Variants in ZNF415 observed in about 807,000 individuals in gnomAD.
ZNF415 encodes the protein zinc finger protein 415.
Under a neutral mutation model 7.3 loss-of-function variants are expected in ZNF415, and 5 were observed. The observed-to-expected ratio is 0.69, with a 90% confidence interval of 0.36 to 1.44. ZNF415 has a LOEUF of 1.44. ZNF415 is among the 40% of genes most tolerant of loss of function. ZNF415 has a pLI of 0.04. For synonymous variants in ZNF415, 207 were observed against 226.3 expected (o/e 0.91, Z 0.77); for missense variants, 628 against 664.8 (o/e 0.94, Z 0.61).
rs747962608 is a variant in ZNF415, at chr19:53,109,672, G to T, written c.373C>A (p.Arg125Ser). Reference protein sequence around the residue: ...KENLTCRRDQRDRRGIGNKSI... With the variant: ...KENLTCRRDQSDRRGIGNKSI... ...TTGTTTCCTATACCTCTTCTATCGC[G>T]TTGGTCTCTCCTACAAGTAAGATTT... is the stretch of plus-strand genomic sequence containing the variant. Residue 125 changes from arginine (R) to serine (S), a missense_variant, in exon 4 of 4, where the codon CGC (arginine) becomes AGC (serine). Coordinates refer to ENST00000243643, the MANE Select transcript of ZNF415 (RefSeq NM_018355.4). 1.9e-5 allele frequency: 30 copies of T among 1,613,902 alleles called. 1 individual carries two copies. The highest frequency in any genetic ancestry group is 2.3e-5 in the Non-Finnish European group (27 of 1,180,006).
intron 1 of ZNF415, chr19:53,123,452 GAGA>G (rs2088487713): frequency 2.5e-6 from 1 of 398,318 alleles, no homozygotes; most frequent in African/African-American, 2.1e-5. Flanking sequence ...AGTCCCCGCT[GAGA>G]AGGTGATATT....
chr19:53,118,689 A>G (rs2087440539), intron 2 of ZNF415, among the ~76,000 whole-genome samples: 1 of 152,168 alleles, frequency 6.6e-6, no homozygotes, highest in South Asian at 2.1e-4. Context: ...ATGCTCCTAA[A>G]TGACCACTGG....
intron 3 of ZNF415, chr19:53,115,724 C>T (rs1056028245): frequency 1.3e-6 from 2 of 1,550,502 alleles, no homozygotes; most frequent in Non-Finnish European, 1.7e-6. Flanking sequence ...ACCTTTGATC[C>T]ATTCCCACCC....
In ZNF415 at chr19:53,122,710, T is replaced by G. The variant is rs1229307346; in HGVS notation, c.-34A>C. On this transcript the variant is annotated 5_prime_UTR_variant, in exon 2 of 4. Transcript: ENST00000243643. ...CCTTTGCTCTCCTCTTCTGGGTTTC[T>G]TCCTCATGTGCCAGGAGTCTTTGGA... The G allele has an allele frequency of 1.9e-6, 3 of 1,614,022 alleles. No individual in the cohort carries two copies. Among genetic ancestry groups the G allele is most frequent in the Non-Finnish European group, 1.7e-6 (2 of 1,180,018 alleles).
chr19:53,127,010 C>T (rs368131803), intron 1 of ZNF415, among the ~76,000 whole-genome samples: 15,829 of 105,288 alleles, frequency 0.15, 1,127 homozygotes, highest in African/African-American at 0.26. Context: ...GAGAGGCCAC[C>T]GGCCTGGCTG....
intron 1 of ZNF415, among the ~76,000 whole-genome samples, chr19:53,127,803 G>A (rs1436215903): frequency 6.6e-6 from 1 of 151,796 alleles, no homozygotes; most frequent in Admixed American, 6.6e-5. Context: ...CTTGAACCTA[G>A]GAGGTGGAGG....
At chr19:53,131,715 C>T (rs1352755003) in intron 1 of ZNF415, among the ~76,000 whole-genome samples, 1 of 152,090 alleles carries the variant, frequency 6.6e-6, no homozygotes, top group East Asian at 1.9e-4. Flanking sequence ...TCTTTCCATT[C>T]TTGCAATGTA....
chr19:53,123,711 C>T, intron 1 of ZNF415: 1 of 398,286 alleles, frequency 2.5e-6, no homozygotes, highest in South Asian at 1.3e-4. Context: ...TCCCACACCT[C>T]AAAAGAATTT....
chr19:53,126,522 T>C (rs2089148849), intron 1 of ZNF415, among the ~76,000 whole-genome samples: 1 of 137,294 alleles, frequency 7.3e-6, no homozygotes, highest in African/African-American at 2.5e-5. Flanking sequence ...CTGCAGGAAG[T>C]GAGAGTCTGA....
intron 1 of ZNF415, chr19:53,123,633 CAGG>C (rs1379693377): frequency 1.3e-5 from 5 of 398,602 alleles, no homozygotes; most frequent in Middle Eastern, 6.2e-4. Flanking sequence ...AGGACACAGG[CAGG>C]AGATGAGGTC....
chr19:53,109,653 C>G lies in ZNF415; in HGVS notation c.392G>C (p.Gly131Ala). 2.5e-6 allele frequency: 4 copies of G among 1,614,118 alleles called. No individual in the cohort carries two copies. Among genetic ancestry groups the G allele is most frequent in the Non-Finnish European group, 3.4e-6 (4 of 1,180,012 alleles). The change falls in exon 4 of 4, where the codon GGA (glycine) becomes GCA (alanine). Residue 131 changes from glycine (G) to alanine (A), a missense_variant. Coordinates refer to ENST00000243643, the MANE Select transcript of ZNF415 (RefSeq NM_018355.4). ...AAGCTGATGTTTAATAGACTTGTTT[C>G]CTATACCTCTTCTATCGCGTTGGTC... ...RRDQRDRRGI[G>A]NKSIKHQLGL...
chr19:53,132,298 C>T (rs575622482), intron 1 of ZNF415, among the ~76,000 whole-genome samples: 10 of 152,142 alleles, frequency 6.6e-5, no homozygotes, highest in Admixed American at 6.5e-4. Context: ...CCTGGAGGAG[C>T]GCATTTTCCA....
chr19:53,127,985 C>G (rs1014608442), intron 1 of ZNF415, among the ~76,000 whole-genome samples: 1 of 152,154 alleles, frequency 6.6e-6, no homozygotes, highest in African/African-American at 2.4e-5. Flanking sequence ...ACAGCCAGAC[C>G]TGAGACATTC....
intron 1 of ZNF415, among the ~76,000 whole-genome samples, chr19:53,131,063 CTTTTTTTTTTTTTTT>C (rs59835974): frequency 2.1e-4 from 11 of 51,588 alleles, no homozygotes; most frequent in East Asian, 6.1e-4. Flanking sequence ...TTTCTTGCAA[CTTTTTTTTTTTTTTT>C]TTTTTTTTTT....
intron 1 of ZNF415, among the ~76,000 whole-genome samples, chr19:53,130,454 T>C (rs902380556): frequency 6.7e-6 from 1 of 150,104 alleles, no homozygotes; most frequent in Non-Finnish European, 1.5e-5. Context: ...GCTAAAAAAA[T>C]TGAAAACACA....
intron 3 of ZNF415, chr19:53,115,598 T>C (rs779217787): frequency 1.9e-5 from 16 of 851,150 alleles, no homozygotes; most frequent in Non-Finnish European, 3.0e-5. Context: ...CTCTAAGAGC[T>C]CACAGGATAT....
At chr19:53,118,633 C>A (rs2087433131) in intron 2 of ZNF415, among the ~76,000 whole-genome samples, 1 of 151,720 alleles carries the variant, frequency 6.6e-6, no homozygotes, top group Non-Finnish European at 1.5e-5. Flanking sequence ...GAAATCAATA[C>A]CATGAGAAAC....
Position 53,109,346 on chromosome 19 carries a change from TAC to T in ZNF415, c.697_698del (p.Val233ThrfsTer12), listed in dbSNP as rs750627295. On this transcript the variant is annotated frameshift_variant, in exon 4 of 4. Transcript: ENST00000243643. LOFTEE classifies it low-confidence loss of function (END_TRUNC). ...TCTCTCCAGAATGACTTACCTGACG[TAC>T]AGTCATGTGTGAGCCATGATTCAAG... ...KALNHGSHMTVRQVSHSGEKG... is the reference protein window; with the variant it reads ...KALNHGSHMTXRQVSHSGEKG... 81 of 1,614,076 alleles carry T rather than the reference TAC, an allele frequency of 5.0e-5. 1 individual carries two copies. In the Admixed American group the frequency reaches 1.3e-3, roughly 27 times the overall value.
chr19:53,112,734 T>C (rs978611422), intron 3 of ZNF415, among the ~76,000 whole-genome samples: 8 of 152,212 alleles, frequency 5.3e-5, no homozygotes, highest in Non-Finnish European at 1.0e-4. Flanking sequence ...GTAATGGGCA[T>C]GTCAGAGGAA....
Sources: allele counts gnomAD v4.1 joint callset (sites outside exome capture counted in the v4.1 genomes callset), GRCh38; gene constraint gnomAD v4.1.1; transcripts MANE v1.5; gene names NCBI Gene and HGNC (gene_info 2026-07-23, HGNC 2026-07-21).